The following ADK variants were observed in gnomAD, a reference collection of about 807,000 sequenced individuals.
ADK encodes adenosine kinase.
ADK carries 24 observed loss-of-function variants against 44.7 expected under a neutral mutation model. That is an observed-to-expected ratio of 0.54 (90% confidence interval 0.39 to 0.76). The LOEUF (loss-of-function observed/expected upper bound fraction) is 0.76. Ranked by LOEUF, ADK falls within the 30% of genes least tolerant of loss-of-function variation. The probability of loss-of-function intolerance (pLI) is 0.00; values close to 1 mark genes in which losing one functional copy is unlikely to be tolerated. For missense variants in ADK, 321 were observed against 425.1 expected (o/e 0.76, Z 2.15); for synonymous variants, 128 against 142.6 (o/e 0.90, Z 0.73).
At chr10:74,263,628 A>G (rs1201557752) in intron 3 of ADK, among the ~76,000 whole-genome samples, 1 of 151,910 alleles carries the variant, frequency 6.6e-6, no homozygotes, top group African/African-American at 2.4e-5. Flanking sequence ...TCTTCAGCCC[A>G]TTTTCTGTCT....
rs370827416 is a variant in ADK, at chr10:74,264,512, G to A, written c.194+39921G>A. Among the ~76,000 whole-genome samples, 125 of 151,830 alleles carry A rather than the reference G, an allele frequency of 8.2e-4. 3 individuals carry two copies. The East Asian group carries it at 0.02, about 24-fold the overall frequency. ...TATTTTAAATTACTGATTTGCATGA[G>A]TTTTTTTTGTATTTTATGGATACAA... On this transcript the variant is annotated intron_variant, in intron 3 of 10. Coordinates refer to ENST00000539909, the MANE Select transcript of ADK (RefSeq NM_006721.4).
intron 1 of ADK, among the ~76,000 whole-genome samples, chr10:74,175,831 A>G (rs1342772493): frequency 6.6e-6 from 1 of 152,280 alleles, no homozygotes; most frequent in African/African-American, 2.4e-5. Flanking sequence ...AATTTGGATC[A>G]TAAAGCATTT....
chr10:74,329,106 C>CAAAAAAAAAAAA (rs138730631), intron 4 of ADK, among the ~76,000 whole-genome samples: 3 of 82,122 alleles, frequency 3.7e-5, no homozygotes, highest in East Asian at 3.8e-4. Context: ...TCTGTGCAGG[C>CAAAAAAAAAAAA]AAAAAAAAAA....
chr10:74,430,280 A>G (rs534864540), intron 6 of ADK, among the ~76,000 whole-genome samples: 47 of 152,244 alleles, frequency 3.1e-4, no homozygotes, highest in Non-Finnish European at 5.9e-4. Context: ...GAACCATATC[A>G]TAACCATCAT....
At chr10:74,553,296 G>A (rs960993231) in intron 7 of ADK, among the ~76,000 whole-genome samples, 3 of 138,638 alleles carry the variant, frequency 2.2e-5, no homozygotes, top group Non-Finnish European at 3.0e-5. Flanking sequence ...CACCTCCCAG[G>A]TTCAAGCGAT....
At chr10:74,583,890 A>G (rs1378262892) in intron 7 of ADK, among the ~76,000 whole-genome samples, 1 of 152,024 alleles carries the variant, frequency 6.6e-6, no homozygotes, top group African/African-American at 2.4e-5. Context: ...TTCCAAGCCC[A>G]CTCATGTCCG....
intron 3 of ADK, among the ~76,000 whole-genome samples, chr10:74,265,437 A>G (rs1846180649): frequency 6.6e-6 from 1 of 151,930 alleles, no homozygotes; most frequent in East Asian, 2.0e-4. Flanking sequence ...GATGGTCTCA[A>G]TCTCCTGACC....
chr10:74,615,309 G>T (rs972542045), intron 9 of ADK, among the ~76,000 whole-genome samples: 1 of 152,066 alleles, frequency 6.6e-6, no homozygotes, highest in Non-Finnish European at 1.5e-5. Context: ...TACAGGTAGG[G>T]TCACTTGTTA....
chr10:74,352,906 A>G (rs1489871321), intron 4 of ADK, among the ~76,000 whole-genome samples: 1 of 152,158 alleles, frequency 6.6e-6, no homozygotes, highest in Non-Finnish European at 1.5e-5. Flanking sequence ...TTAAAAAGTC[A>G]GGAAACAACA....
At chr10:74,678,276 C>T (rs1392142495) in intron 10 of ADK, among the ~76,000 whole-genome samples, 1 of 152,080 alleles carries the variant, frequency 6.6e-6, no homozygotes, top group African/African-American at 2.4e-5. Context: ...TAGTGTTATA[C>T]ATCCAGAGTC....
Position 74,517,234 on chromosome 10 carries a change from A to G in ADK, c.556-8022A>G, listed in dbSNP as rs183153922. 1.4e-3 allele frequency among the ~76,000 whole-genome samples: 206 copies of G among 152,314 alleles called. 1 individual carries two copies. The highest frequency in any genetic ancestry group is 4.8e-3 in the African/African-American group (199 of 41,566). ...CTCACACTTTATGTTCAACAGAGCT[A>G]TATAAATATGCTCCTATGTATTCCC... On this transcript the variant is annotated intron_variant, in intron 6 of 10. Coordinates refer to ENST00000539909, the MANE Select transcript of ADK (RefSeq NM_006721.4).
In ADK at chr10:74,181,565, CAG is replaced by C. The variant is rs1842558883; in HGVS notation, c.66-19196_66-19195del. Among the ~76,000 whole-genome samples the C allele has an allele frequency of 3.3e-5, 5 of 152,282 alleles. No individual in the cohort carries two copies. In the South Asian group the frequency reaches 1.0e-3, roughly 32 times the overall value. ...TGGCGCCTGAGTTAAGTTCAGGAGA[CAG>C]AGGAAGATGCAGAATGTCAGGATTC... On this transcript the variant is annotated intron_variant, in intron 1 of 10. Transcript: ENST00000539909.
chr10:74,438,108 C>T (rs1257462475), intron 6 of ADK, among the ~76,000 whole-genome samples: 1 of 152,160 alleles, frequency 6.6e-6, no homozygotes, highest in African/African-American at 2.4e-5. Context: ...CTCCAACCCC[C>T]AACCCCCACC....
At position 74,180,205 on chromosome 10, in the gene ADK, C is replaced by CT. The variant is rs200038420; in HGVS notation, c.66-20554dup. On this transcript the variant is annotated intron_variant, in intron 1 of 10. Transcript: ENST00000539909. ...GTTACTGAGCTTCCATTTCTCTTTT[C>CT]TTTTTATTATTATTATTATTATTAT... is the stretch of plus-strand genomic sequence containing the variant. Among the ~76,000 whole-genome samples the CT allele has an allele frequency of 7.2e-3, 952 of 132,212 alleles. 8 individuals are homozygous for CT. The highest frequency in any genetic ancestry group is 0.013 in the East Asian group (65 of 4,840). 86.7% of individuals were successfully genotyped at this position (132,212 alleles called of 152,430 possible). A position where few individuals can be genotyped will look rare whatever the true frequency, so the allele number is the denominator to read the frequency against.
chr10:74,174,848 T>A (rs1842277060), intron 1 of ADK, among the ~76,000 whole-genome samples: 1 of 152,256 alleles, frequency 6.6e-6, no homozygotes, highest in Non-Finnish European at 1.5e-5. Context: ...ATTTCCCAGG[T>A]TAAAGAGAAC....
chr10:74,426,297 A>G (rs1320826500), intron 6 of ADK, among the ~76,000 whole-genome samples: 1 of 152,228 alleles, frequency 6.6e-6, no homozygotes, highest in Non-Finnish European at 1.5e-5. Flanking sequence ...GCATTTGGAA[A>G]TAATTTTGTG....
intron 7 of ADK, among the ~76,000 whole-genome samples, chr10:74,569,870 T>A (rs1026877033): frequency 1.3e-5 from 2 of 152,340 alleles, no homozygotes; most frequent in African/African-American, 4.8e-5. Flanking sequence ...CTGAATGGTA[T>A]TGCCTAGGTT....
chr10:74,287,463 C>CA (rs879647051), intron 3 of ADK, among the ~76,000 whole-genome samples: 3,620 of 104,826 alleles, frequency 0.035, 107 homozygotes, highest in African/African-American at 0.097. Flanking sequence ...GACTCCGTCT[C>CA]AAAAAAAAAA....
chr10:74,556,206 G>T (rs751695948), intron 7 of ADK, among the ~76,000 whole-genome samples: 3 of 152,220 alleles, frequency 2.0e-5, no homozygotes, highest in African/African-American at 7.2e-5. Context: ...ATGCCCATTT[G>T]CTCTCCTTTT....
Sources: allele counts gnomAD v4.1 joint callset (sites outside exome capture counted in the v4.1 genomes callset), GRCh38; gene constraint gnomAD v4.1.1; transcripts MANE v1.5; gene names NCBI Gene and HGNC (gene_info 2026-07-23, HGNC 2026-07-21).